The following SYBU variants were observed in gnomAD, a reference collection of about 807,000 sequenced individuals.
SYBU encodes the protein GOLSYN A protein.
SYBU carries 21 observed loss-of-function variants against 35.9 expected under a neutral mutation model. The ratio of observed to expected loss-of-function variants is 0.58; its 90% CI spans 0.41 to 0.84. The LOEUF (loss-of-function observed/expected upper bound fraction) is 0.84, where lower values mean the gene tolerates loss of function less well. Ranked by LOEUF, SYBU falls within the 40% of genes least tolerant of loss-of-function variation. The probability of loss-of-function intolerance (pLI) is 0.00; values close to 1 mark genes in which losing one functional copy is unlikely to be tolerated. For missense variants in SYBU, 768 were observed against 848.2 expected (o/e 0.91, Z 1.17); for synonymous variants, 319 against 324.3 (o/e 0.98, Z 0.18).
chr8:109,631,487 G>A (rs915389514), intron 2 of SYBU, among the ~76,000 whole-genome samples: 1 of 152,202 alleles, frequency 6.6e-6, no homozygotes, highest in Non-Finnish European at 1.5e-5. Context: ...AGTAAAGGAG[G>A]ATGCAGGGCC....
At chr8:109,635,012 T>A (rs80059225) in intron 2 of SYBU, among the ~76,000 whole-genome samples, 1,870 of 152,308 alleles carry the variant, frequency 0.012, 40 homozygotes, top group African/African-American at 0.043. Flanking sequence ...ACACCTGATT[T>A]TCACTGTAAA....
chr8:109,665,111 C>A, intron 1 of SYBU, among the ~76,000 whole-genome samples: 1 of 152,078 alleles, frequency 6.6e-6, no homozygotes, highest in East Asian at 1.9e-4. Context: ...ATATAATTCA[C>A]TTTTAAACTT....
chr8:109,673,961 C>T (rs142965883), intron 1 of SYBU, among the ~76,000 whole-genome samples: 7,605 of 152,068 alleles, frequency 0.05, 260 homozygotes, highest in Non-Finnish European at 0.08. Flanking sequence ...TGAAATAAAG[C>T]ATGAAGACAA....
In SYBU at chr8:109,586,422, T is replaced by TCAACAGTG. The variant is rs1823630880; in HGVS notation, c.428-268_428-261dup. On this transcript the variant is annotated intron_variant, in intron 3 of 6. Coordinates refer to ENST00000276646, the MANE Select transcript of SYBU (RefSeq NM_001099754.2). Reference sequence around the variant, plus strand: ...GAGGCCAGTCTTCCTGCAGACACTGTCAACAGTGACCCAAGTGCATCAAGA... The same window carrying TCAACAGTG: ...GAGGCCAGTCTTCCTGCAGACACTGTCAACAGTGCAACAGTGACCCAAGTGCATCAAGA... 3.3e-5 allele frequency: 15 copies of TCAACAGTG among 450,098 alleles called. 1 individual carries two copies. In the South Asian group the frequency reaches 4.7e-4, roughly 14 times the overall value. The allele number at this position is 450,098 out of a possible 1,614,324, so 27.9% of individuals were successfully genotyped here. A position where few individuals can be genotyped will look rare whatever the true frequency, so the allele number is the denominator to read the frequency against.
chr8:109,648,897 G>C (rs984734630), upstream of SYBU: 12 of 151,378 alleles, frequency 7.9e-5, no homozygotes, highest in African/African-American at 2.9e-4. Flanking sequence ...TTTTTTGTGT[G>C]TGTGGTGGGG....
chr8:109,671,634 A>T (rs1816985093), intron 1 of SYBU, among the ~76,000 whole-genome samples: 1 of 152,206 alleles, frequency 6.6e-6, no homozygotes, highest in East Asian at 1.9e-4. Context: ...GTGTTTCAGA[A>T]ATATTATTTT....
At position 109,691,175 on chromosome 8, in the gene SYBU, G is replaced by A. The variant is rs1817636348; in HGVS notation, c.-58+158C>T. ...TCCCCATTTTCCACGACCTTCTTCTGTGCATCGCCGAGCACCCTGGATACC... is the reference window on the plus strand; with the variant it reads ...TCCCCATTTTCCACGACCTTCTTCTATGCATCGCCGAGCACCCTGGATACC... On this transcript the variant is annotated intron_variant, in intron 1 of 7. Coordinates refer to the SYBU transcript ENST00000422135. The surrounding 1 kb of genome is among the most constrained non-coding windows in gnomAD (Gnocchi z 4.7). Among the ~76,000 whole-genome samples, 1 of 152,168 alleles carries A rather than the reference G, an allele frequency of 6.6e-6. No homozygotes were observed. The highest frequency in any genetic ancestry group is 1.5e-5 in the Non-Finnish European group (1 of 68,020).
At chr8:109,644,997 C>CA, upstream of SYBU, 1 of 493,358 alleles carries the variant, frequency 2.0e-6, no homozygotes, top group Non-Finnish European at 3.8e-6. Context: ...CGCGCCCCCC[C>CA]AGCCAGAGCC....
chr8:109,575,751 A>AG lies in SYBU; in HGVS notation c.1146dup (p.Ser383LeufsTer13). 6.2e-7 allele frequency: 1 copy of AG among 1,614,078 alleles called. No homozygotes were observed. Among genetic ancestry groups the AG allele is most frequent in the Non-Finnish European group, 8.5e-7 (1 of 1,180,020 alleles). On this transcript the variant is annotated frameshift_variant, in exon 7 of 7. Transcript: ENST00000276646. LOFTEE classifies it low-confidence loss of function (END_TRUNC). ...TCTAGGCACAGTTCGTCCCTCAGAGAGCCACTGTGTGCCATCTCCATGCTC... is the reference window on the plus strand; with the variant it reads ...TCTAGGCACAGTTCGTCCCTCAGAGAGGCCACTGTGTGCCATCTCCATGCTC...
chr8:109,585,786 AG>A, intron 4 of SYBU: 3 of 449,264 alleles, frequency 6.7e-6, no homozygotes, highest in Non-Finnish European at 8.1e-6. Context: ...CAGGTGAGTA[AG>A]GGAAAGAGAG....
intron 1 of SYBU, among the ~76,000 whole-genome samples, chr8:109,687,405 T>C (rs1817545202): frequency 6.6e-6 from 1 of 152,128 alleles, no homozygotes; most frequent in African/African-American, 2.4e-5. Flanking sequence ...CTTTACAATC[T>C]CATCTCATAC....
upstream of SYBU, among the ~76,000 whole-genome samples, chr8:109,683,721 G>A (rs536231680): frequency 9.6e-4 from 146 of 152,182 alleles, 1 homozygote; most frequent in African/African-American, 3.3e-3. Context: ...TGTGTCCGTC[G>A]CTCAAATCCT....
chr8:109,677,034 A>ATGTGTGTG (rs10638682), intron 1 of SYBU, among the ~76,000 whole-genome samples: 316 of 146,158 alleles, frequency 2.2e-3, no homozygotes, highest in Non-Finnish European at 2.2e-3. Flanking sequence ...CAGGGTGTTC[A>ATGTGTGTG]TGTGTGTGTG....
At chr8:109,689,040 T>C (rs537583660) in intron 1 of SYBU, among the ~76,000 whole-genome samples, 164 of 152,280 alleles carry the variant, frequency 1.1e-3, no homozygotes, top group African/African-American at 3.6e-3. Context: ...TATTACATAC[T>C]TAGAATATAT....
At chr8:109,684,100 A>T (rs1242740526), upstream of SYBU, among the ~76,000 whole-genome samples, 2 of 152,198 alleles carry the variant, frequency 1.3e-5, no homozygotes, top group African/African-American at 4.8e-5. Flanking sequence ...CTTTATTATT[A>T]TTTCAGCAAG....
At chr8:109,611,749 G>C (rs1269510884) in intron 3 of SYBU, among the ~76,000 whole-genome samples, 2 of 152,124 alleles carry the variant, frequency 1.3e-5, no homozygotes, top group Non-Finnish European at 2.9e-5. Context: ...AGAAAACACT[G>C]ACGACCTTAA....
intron 1 of SYBU, 35 bp downstream of exon 1, chr8:109,644,601 G>A: frequency 6.5e-7 from 1 of 1,541,568 alleles, no homozygotes; most frequent in Admixed American, 1.9e-5. Context: ...CGCCTTCCCC[G>A]CCCTCCAGTG....
intron 1 of SYBU, among the ~76,000 whole-genome samples, chr8:109,672,684 C>T (rs1394049179): frequency 6.6e-6 from 1 of 152,192 alleles, no homozygotes; most frequent in Non-Finnish European, 1.5e-5. Context: ...GAGACAGAAC[C>T]GTTCCCTCCC....
At position 109,642,879 on chromosome 8, in the gene SYBU, G is replaced by T. The variant is rs1276811654; in HGVS notation, c.78C>A (p.Pro26=). The stretch of plus-strand genomic sequence containing the variant: ...GCATATGGGGCCGAAGAATCAACCG[G>T]GGAATTCGGCTTCGAGAAATCTCCT... ...HDKEISRSRI[P]RLILRPHMPQ... The change falls in exon 2 of 7, where the codon CCC becomes CCA. Residue 26 remains proline (P), a synonymous_variant. Coordinates refer to ENST00000276646, the MANE Select transcript of SYBU (RefSeq NM_001099754.2). The T allele has an allele frequency of 3.1e-6, 5 of 1,594,304 alleles. No individual in the cohort carries two copies. The highest frequency in any genetic ancestry group is 4.3e-6 in the Non-Finnish European group (5 of 1,169,836).
Sources: gnomAD v4.1 joint callset for allele counts (sites outside exome capture counted in the v4.1 genomes callset) on GRCh38, gnomAD v4.1.1 for gene constraint, Gnocchi (gnomAD v3.1) non-coding constraint, MANE v1.5 for transcripts, NCBI Gene and HGNC (gene_info 2026-07-23, HGNC 2026-07-21) for gene names.